Variants in NRXN1 observed in about 807,000 individuals in gnomAD.
The protein encoded by NRXN1 is neurexin-1.
In NRXN1, 39 loss-of-function variants were observed where a neutral mutation model predicts 150.9. That is an observed-to-expected ratio of 0.26 (90% CI 0.20 to 0.34). The LOEUF (loss-of-function observed/expected upper bound fraction) is 0.34, where lower values mean the gene tolerates loss of function less well. NRXN1 is among the 10% of genes least tolerant of loss of function. The pLI is 1.00. For missense variants in NRXN1, 1,815 were observed against 1,949.9 expected (o/e 0.93, Z 1.30); for synonymous variants, 924 against 757.0 (o/e 1.22, Z -3.62).
intron 21 of NRXN1, among the ~76,000 whole-genome samples, chr2:50,042,351 A>T (rs1691118217): frequency 6.6e-6 from 1 of 152,114 alleles, no homozygotes; most frequent in African/African-American, 2.4e-5. Flanking sequence ...CATGATGGTA[A>T]GTTCTCATGA....
chr2:50,706,282 T>C (rs1694426341), intron 5 of NRXN1, among the ~76,000 whole-genome samples: 1 of 152,222 alleles, frequency 6.6e-6, no homozygotes, highest in Admixed American at 6.5e-5. Flanking sequence ...TTGATACATA[T>C]ACCTGCTGGG....
chr2:50,269,127 G>C (rs945318938), intron 17 of NRXN1, among the ~76,000 whole-genome samples: 18 of 152,206 alleles, frequency 1.2e-4, no homozygotes, highest in Middle Eastern at 3.4e-3. Context: ...AAAGTGCCTT[G>C]CCTAAGATCA....
Position 50,346,591 on chromosome 2 carries a change from A to G in NRXN1, c.3365-109621T>C. The G allele has an allele frequency of 7.8e-7, 1 of 1,280,312 alleles. No homozygotes were observed. The highest frequency in any genetic ancestry group is 1.1e-6 in the Non-Finnish European group (1 of 890,000). The allele number at this position is 1,280,312 out of a possible 1,614,324, so 79.3% of individuals were successfully genotyped here. A position where few individuals can be genotyped will look rare whatever the true frequency, so the allele number is the denominator to read the frequency against. On this transcript the variant is annotated intron_variant, in intron 17 of 22. Coordinates refer to ENST00000401669, the MANE Select transcript of NRXN1 (RefSeq NM_001330078.2). This position sits in a 1 kb window ranked among gnomAD's most constrained non-coding sequence, Gnocchi z 5.0. Reference sequence around the variant, plus strand: ...ACCCAAATGCACCTCCCTTTTGTCGAGCTCCCATTTCTCTGAGCCTTAGGA... The same window carrying G: ...ACCCAAATGCACCTCCCTTTTGTCGGGCTCCCATTTCTCTGAGCCTTAGGA...
intron 17 of NRXN1, among the ~76,000 whole-genome samples, chr2:50,382,777 A>G (rs939146630): frequency 1.6e-4 from 24 of 152,128 alleles, no homozygotes; most frequent in Non-Finnish European, 2.2e-4. Context: ...GTGGGAAGAC[A>G]GACATACGGT....
At chr2:49,978,651 C>T (rs970561716) in intron 21 of NRXN1, among the ~76,000 whole-genome samples, 1 of 143,006 alleles carries the variant, frequency 7.0e-6, no homozygotes, top group Non-Finnish European at 1.5e-5. Flanking sequence ...CACAGAAAAA[C>T]AGCTGGGGGA....
At chr2:50,501,400 A>AGAGTGT (rs1553706190) in intron 13 of NRXN1, among the ~76,000 whole-genome samples, 1 of 148,180 alleles carries the variant, frequency 6.7e-6, no homozygotes, top group African/African-American at 2.5e-5. Flanking sequence ...TGTGTGTGTG[A>AGAGTGT]GTGTGTGTGT....
chr2:50,145,421 C>T (rs1361731734), intron 18 of NRXN1, among the ~76,000 whole-genome samples: 1 of 151,626 alleles, frequency 6.6e-6, no homozygotes, highest in Non-Finnish European at 1.5e-5. Flanking sequence ...CTTACATAAT[C>T]ATAATGTTAC....
intron 21 of NRXN1, among the ~76,000 whole-genome samples, chr2:50,006,290 A>G (rs1684756794): frequency 6.6e-6 from 1 of 152,150 alleles, no homozygotes; most frequent in Non-Finnish European, 1.5e-5. Flanking sequence ...TTCCTTAGCT[A>G]TTGCTCAGCT....
At chr2:50,285,651 T>C (rs913886721) in intron 17 of NRXN1, among the ~76,000 whole-genome samples, 2 of 152,172 alleles carry the variant, frequency 1.3e-5, no homozygotes, top group African/African-American at 2.4e-5. Flanking sequence ...GTTGTATAGA[T>C]TGTAAAATGG....
chr2:50,587,099 T>C (rs1414189014), intron 8 of NRXN1, among the ~76,000 whole-genome samples: 4 of 152,290 alleles, frequency 2.6e-5, no homozygotes, highest in Admixed American at 6.5e-5. Flanking sequence ...GACACAATCT[T>C]TTGGTGTGTC....
chr2:50,596,467 A>G (rs1558992917), intron 8 of NRXN1, among the ~76,000 whole-genome samples: 1 of 152,216 alleles, frequency 6.6e-6, no homozygotes, highest in Admixed American at 6.5e-5. Context: ...CCCCTTTCAC[A>G]GATAAATCAC....
At chr2:49,970,441 T>G (rs911739264) in intron 21 of NRXN1, 1 of 152,120 alleles carries the variant, frequency 6.6e-6, no homozygotes, top group Non-Finnish European at 1.5e-5. Context: ...TGAACTCATA[T>G]TGTCTTTAAT....
chr2:50,189,842 G>T (rs1430456776), intron 18 of NRXN1, among the ~76,000 whole-genome samples: 1 of 152,098 alleles, frequency 6.6e-6, no homozygotes. Flanking sequence ...TAGATTTTAA[G>T]CATTAATTTG....
At chr2:50,055,147 G>T in intron 19 of NRXN1, 103 bp from the exon 20 acceptor site, 1 of 715,362 alleles carries the variant, frequency 1.4e-6, no homozygotes, top group Non-Finnish European at 2.2e-6. Context: ...ATGATTTTTT[G>T]AAATTTGGAA....
intron 11 of NRXN1, among the ~76,000 whole-genome samples, chr2:50,530,109 G>T (rs563660269): frequency 6.6e-6 from 1 of 151,624 alleles, no homozygotes; most frequent in Non-Finnish European, 1.5e-5. Context: ...TTCTATATAC[G>T]TGTGTTTAAC....
At chr2:49,979,891 T>A (rs1163125346) in intron 21 of NRXN1, among the ~76,000 whole-genome samples, 1 of 136,952 alleles carries the variant, frequency 7.3e-6, no homozygotes, top group Non-Finnish European at 1.6e-5. Context: ...CACATAGTCT[T>A]ATATTGTTTT....
intron 5 of NRXN1, among the ~76,000 whole-genome samples, chr2:50,773,677 A>G: frequency 6.6e-6 from 1 of 152,132 alleles, no homozygotes; most frequent in Non-Finnish European, 1.5e-5. Context: ...CACCACAGAA[A>G]CTGGCCTGTT....
chr2:50,699,111 AAC>A (rs940684110), intron 5 of NRXN1, among the ~76,000 whole-genome samples: 1 of 152,176 alleles, frequency 6.6e-6, no homozygotes, highest in African/African-American at 2.4e-5. Flanking sequence ...CCATGCAGGA[AAC>A]ACAAAATGAT....
intron 5 of NRXN1, among the ~76,000 whole-genome samples, chr2:50,753,283 C>T (rs1402862038): frequency 1.3e-5 from 2 of 151,808 alleles, no homozygotes; most frequent in Non-Finnish European, 2.9e-5. Context: ...AGAAGTGGTA[C>T]AGTTCTCATA....
Sources: allele counts gnomAD v4.1 joint callset (sites outside exome capture counted in the v4.1 genomes callset), GRCh38; gene constraint gnomAD v4.1.1; non-coding constraint Gnocchi (gnomAD v3.1); transcripts MANE v1.5; gene names NCBI Gene and HGNC (gene_info 2026-07-23, HGNC 2026-07-21).